CTNNA2: variants seen among roughly 807,000 people sequenced by gnomAD.
The protein encoded by CTNNA2 is catenin alpha 2.
A neutral mutation model predicts 101.0 loss-of-function variants in CTNNA2; 42 were observed. The ratio of observed to expected loss-of-function variants is 0.42; its 90% CI spans 0.32 to 0.54. CTNNA2 has a LOEUF of 0.54. CTNNA2 is among the 20% of genes least tolerant of loss of function. The pLI is 0.14. For missense variants in CTNNA2, 871 were observed against 1,223.1 expected (o/e 0.71, Z 4.29); for synonymous variants, 450 against 456.4 (o/e 0.99, Z 0.18).
intron 3 of CTNNA2, among the ~76,000 whole-genome samples, chr2:79,763,098 T>C (rs1306550546): frequency 6.6e-6 from 1 of 152,230 alleles, no homozygotes; most frequent in African/African-American, 2.4e-5. Context: ...GTTTCGTGAT[T>C]GACAATGGGA....
chr2:80,507,092 C>T (rs1289118791), intron 9 of CTNNA2, among the ~76,000 whole-genome samples: 4 of 152,164 alleles, frequency 2.6e-5, no homozygotes, highest in Non-Finnish European at 5.9e-5. Flanking sequence ...GAGTTGGAAT[C>T]CTGAATCAGA....
chr2:80,535,606 A>G (rs1351010347), intron 9 of CTNNA2, among the ~76,000 whole-genome samples: 18 of 152,148 alleles, frequency 1.2e-4, no homozygotes, highest in Admixed American at 1.2e-3. Flanking sequence ...TATGATTTTT[A>G]AAATTAAACT....
intron 18 of CTNNA2, among the ~76,000 whole-genome samples, chr2:80,619,476 C>T (rs1054841795): frequency 6.6e-6 from 1 of 151,900 alleles, no homozygotes; most frequent in Admixed American, 6.6e-5. Flanking sequence ...CTCAGTCTTT[C>T]TTCCCATTGG....
chr2:80,636,121 G>C (rs1394551201), intron 18 of CTNNA2, among the ~76,000 whole-genome samples: 6 of 151,980 alleles, frequency 3.9e-5, no homozygotes. Flanking sequence ...TATTTGGTTA[G>C]TAAATGTGTG....
chr2:80,158,337 C>G (rs1479343041), intron 7 of CTNNA2, among the ~76,000 whole-genome samples: 1 of 152,178 alleles, frequency 6.6e-6, no homozygotes, highest in Non-Finnish European at 1.5e-5. Flanking sequence ...TTGAGATAAT[C>G]ATCTATTCAC....
At chr2:80,006,372 A>G (rs980843825) in intron 7 of CTNNA2, among the ~76,000 whole-genome samples, 1 of 151,604 alleles carries the variant, frequency 6.6e-6, no homozygotes, top group Non-Finnish European at 1.5e-5. Flanking sequence ...AAAAAAAAAA[A>G]AAGAAAAAAC....
intron 2 of CTNNA2, among the ~76,000 whole-genome samples, chr2:79,260,848 T>G (rs1338435644): frequency 6.6e-6 from 1 of 152,148 alleles, no homozygotes; most frequent in Non-Finnish European, 1.5e-5. Flanking sequence ...AGATTGACTC[T>G]TAAGCCAAAT....
chr2:79,965,559 C>T (rs1044265620), intron 7 of CTNNA2, among the ~76,000 whole-genome samples: 2 of 151,916 alleles, frequency 1.3e-5, no homozygotes, highest in East Asian at 3.9e-4. Context: ...CTCGGTGGTT[C>T]ACACCTGTAA....
intron 7 of CTNNA2, among the ~76,000 whole-genome samples, chr2:80,161,271 C>A: frequency 6.6e-6 from 1 of 152,148 alleles, no homozygotes; most frequent in South Asian, 2.1e-4. Context: ...CTGCCTCAGC[C>A]TCCCAAAGTG....
intron 7 of CTNNA2, among the ~76,000 whole-genome samples, chr2:80,036,483 T>C (rs1377813838): frequency 6.6e-6 from 1 of 152,114 alleles, no homozygotes; most frequent in Non-Finnish European, 1.5e-5. Flanking sequence ...GATGTGCCTG[T>C]AGTCCCAGCT....
intron 4 of CTNNA2, among the ~76,000 whole-genome samples, chr2:79,496,801 ATGACT>A (rs1671261233): frequency 6.6e-6 from 1 of 152,010 alleles, no homozygotes; most frequent in African/African-American, 2.4e-5. Context: ...CAAGTTCTAC[ATGACT>A]TTAAAATAAA....
At chr2:80,008,690 T>G (rs1336141091) in intron 7 of CTNNA2, among the ~76,000 whole-genome samples, 1 of 152,200 alleles carries the variant, frequency 6.6e-6, no homozygotes, top group African/African-American at 2.4e-5. Flanking sequence ...TGTGTGTTTT[T>G]GAGCACGTCA....
At chr2:80,213,360 A>T (rs112542806) in intron 7 of CTNNA2, among the ~76,000 whole-genome samples, 4,467 of 152,072 alleles carry the variant, frequency 0.029, 234 homozygotes, top group African/African-American at 0.1. Flanking sequence ...TAGTGCTATA[A>T]ATTTCCCTCT....
chr2:79,331,957 G>T (rs1676883082), intron 3 of CTNNA2, among the ~76,000 whole-genome samples: 1 of 152,162 alleles, frequency 6.6e-6, no homozygotes, highest in African/African-American at 2.4e-5. Context: ...CAGCAGATTA[G>T]AATTGTCTGA....
At chr2:79,757,012 AT>A (rs1672446964) in intron 3 of CTNNA2, among the ~76,000 whole-genome samples, 1 of 152,224 alleles carries the variant, frequency 6.6e-6, no homozygotes, top group African/African-American at 2.4e-5. Flanking sequence ...AGTTTCTAAA[AT>A]AAAACTAAAC....
chr2:79,860,555 T>TTTTTGTTTTTG (rs1315953116), intron 4 of CTNNA2, among the ~76,000 whole-genome samples: 15 of 149,986 alleles, frequency 1.0e-4, no homozygotes, highest in Non-Finnish European at 2.1e-4. Flanking sequence ...AGTTTTTTTT[T>TTTTTGTTTTTG]TTTTTTTTTT....
At chr2:79,274,716 C>T (rs1675168864) in intron 2 of CTNNA2, among the ~76,000 whole-genome samples, 1 of 151,944 alleles carries the variant, frequency 6.6e-6, no homozygotes, top group South Asian at 2.1e-4. Flanking sequence ...TTTAAAACAT[C>T]ACTTTTAATG....
chr2:79,495,970 C>T (rs755928941), intron 4 of CTNNA2, among the ~76,000 whole-genome samples: 8 of 151,426 alleles, frequency 5.3e-5, no homozygotes. Flanking sequence ...AGGGGAGGGG[C>T]GATTAATGGT....
intron 7 of CTNNA2, among the ~76,000 whole-genome samples, chr2:80,269,913 G>T (rs761979367): frequency 6.6e-6 from 1 of 151,946 alleles, no homozygotes; most frequent in African/African-American, 2.4e-5. Context: ...TGTTATGAGC[G>T]CCATTTGAGA....
Sources: allele counts gnomAD v4.1 joint callset (sites outside exome capture counted in the v4.1 genomes callset), GRCh38; gene constraint gnomAD v4.1.1; transcripts MANE v1.5; gene names NCBI Gene and HGNC (gene_info 2026-07-23, HGNC 2026-07-21).